LRRTM4: variants seen among roughly 807,000 people sequenced by gnomAD.
The protein encoded by LRRTM4 is leucine rich repeat transmembrane neuronal 4, also known as leucine-rich repeat transmembrane neuronal protein 4.
A neutral mutation model predicts 47.6 loss-of-function variants in LRRTM4; 25 were observed. That is an observed-to-expected ratio of 0.53 (90% confidence interval 0.38 to 0.73). LRRTM4 has a LOEUF of 0.73. Ranked by LOEUF, LRRTM4 falls within the 30% of genes least tolerant of loss-of-function variation. The pLI is 0.00. For missense variants in LRRTM4, 638 were observed against 713.4 expected, an observed-to-expected ratio of 0.89 and a Z score of 1.20; for synonymous variants, 311 against 269.5, an observed-to-expected ratio of 1.15 and a Z score of -1.51.
chr2:76,791,731 A>G (rs1426617870), intron 3 of LRRTM4, among the ~76,000 whole-genome samples: 2 of 152,246 alleles, frequency 1.3e-5, no homozygotes, highest in Non-Finnish European at 2.9e-5. Context: ...CAGAATCGAC[A>G]TGTAGAACTA....
At chr2:77,118,280 A>C (rs961456118) in intron 3 of LRRTM4, among the ~76,000 whole-genome samples, 2 of 151,850 alleles carry the variant, frequency 1.3e-5, no homozygotes, top group African/African-American at 4.8e-5. Flanking sequence ...GGGCTTACAA[A>C]CATTGAGTGC....
chr2:77,481,437 G>T (rs2104018777), intron 3 of LRRTM4, among the ~76,000 whole-genome samples: 1 of 152,266 alleles, frequency 6.6e-6, no homozygotes. Flanking sequence ...ATCCCACACT[G>T]CAGAATGAAC....
chr2:77,266,527 A>G (rs532005908), intron 3 of LRRTM4, among the ~76,000 whole-genome samples: 40 of 152,280 alleles, frequency 2.6e-4, no homozygotes, highest in African/African-American at 8.7e-4. Flanking sequence ...GTTTTGGGGA[A>G]AAAAGAAGAT....
At chr2:77,029,391 C>T (rs1346911813) in intron 3 of LRRTM4, among the ~76,000 whole-genome samples, 1 of 152,000 alleles carries the variant, frequency 6.6e-6, no homozygotes, top group Non-Finnish European at 1.5e-5. Context: ...GCTGAAGGCC[C>T]AAGAGCCCCT....
intron 3 of LRRTM4, among the ~76,000 whole-genome samples, chr2:77,218,167 T>C (rs961190394): frequency 1.3e-5 from 2 of 152,138 alleles, no homozygotes; most frequent in African/African-American, 4.8e-5. Flanking sequence ...ACTAATTTTG[T>C]ATTTTTAGTA....
At chr2:77,119,050 T>G (rs563946876) in intron 3 of LRRTM4, among the ~76,000 whole-genome samples, 75 of 151,968 alleles carry the variant, frequency 4.9e-4, no homozygotes, top group African/African-American at 1.7e-3. Flanking sequence ...TACCATTATT[T>G]TAATTTGTGT....
intron 3 of LRRTM4, among the ~76,000 whole-genome samples, chr2:76,976,828 G>A (rs1395752772): frequency 6.6e-6 from 1 of 151,778 alleles, no homozygotes; most frequent in East Asian, 1.9e-4. Flanking sequence ...AAAAAGCCAG[G>A]AGAGAGGATT....
intron 3 of LRRTM4, among the ~76,000 whole-genome samples, chr2:77,201,439 T>A (rs1673971973): frequency 6.6e-6 from 1 of 152,272 alleles, no homozygotes; most frequent in African/African-American, 2.4e-5. Flanking sequence ...CATATAAAAT[T>A]AATTCATTGA....
chr2:77,002,137 T>C (rs1344245850), intron 3 of LRRTM4, among the ~76,000 whole-genome samples: 1 of 152,182 alleles, frequency 6.6e-6, no homozygotes, highest in African/African-American at 2.4e-5. Flanking sequence ...TCAAATAATA[T>C]TGTGAGTCCC....
At chr2:77,076,465 A>T (rs927480796) in intron 3 of LRRTM4, among the ~76,000 whole-genome samples, 1 of 152,214 alleles carries the variant, frequency 6.6e-6, no homozygotes, top group Non-Finnish European at 1.5e-5. Flanking sequence ...AGAATGAAAC[A>T]AGCAGTGTAT....
At chr2:76,914,365 C>T (rs1674173816) in intron 3 of LRRTM4, among the ~76,000 whole-genome samples, 1 of 151,950 alleles carries the variant, frequency 6.6e-6, no homozygotes, top group Non-Finnish European at 1.5e-5. Flanking sequence ...TTCTGATTTG[C>T]ATTGTCAATA....
At chr2:77,076,893 G>A (rs1020295447) in intron 3 of LRRTM4, among the ~76,000 whole-genome samples, 21 of 152,116 alleles carry the variant, frequency 1.4e-4, no homozygotes, top group Admixed American at 4.6e-4. Context: ...ATTTACATCA[G>A]TCATCCCTTT....
rs1386640871 is a variant in LRRTM4, at chr2:76,801,383, A to G, written c.1552-52467T>C. The stretch of plus-strand genomic sequence containing the variant: ...TTTGTAGGGACATGGATGAAATTGG[A>G]AATCATCATTCTCAGTAAACTATCG... On this transcript the variant is annotated intron_variant, in intron 3 of 3. Transcript: ENST00000409884. Among the ~76,000 whole-genome samples, 3 of 152,232 alleles carry G rather than the reference A, an allele frequency of 2.0e-5. No individual in the cohort carries two copies. The South Asian group carries it at 6.2e-4, about 32-fold the overall frequency.
chr2:77,357,778 T>C (rs1193024400), intron 3 of LRRTM4, among the ~76,000 whole-genome samples: 1 of 152,174 alleles, frequency 6.6e-6, no homozygotes, highest in Non-Finnish European at 1.5e-5. Flanking sequence ...GAGTGTAGCA[T>C]TAGTGTGCAC....
rs148954335 is a variant in LRRTM4, at chr2:77,347,413, G to C, written c.1551+170905C>G. Among the ~76,000 whole-genome samples the C allele has an allele frequency of 8.9e-4, 135 of 152,124 alleles. No homozygotes were observed. In the East Asian group the frequency reaches 0.013, roughly 15 times the overall value. The stretch of plus-strand genomic sequence containing the variant: ...GAAATGTATTACCAGAATATTTGGA[G>C]TACTATTGGACTATTTATTTATATC... On this transcript the variant is annotated intron_variant, in intron 3 of 3. Transcript: ENST00000409884.
At chr2:76,796,497 G>T (rs1328077000) in intron 3 of LRRTM4, among the ~76,000 whole-genome samples, 1 of 131,996 alleles carries the variant, frequency 7.6e-6, no homozygotes, top group East Asian at 2.2e-4. Context: ...CTCCTCAAGT[G>T]GGTCCCTGAC....
At chr2:77,362,465 T>C (rs1672280291) in intron 3 of LRRTM4, among the ~76,000 whole-genome samples, 1 of 152,190 alleles carries the variant, frequency 6.6e-6, no homozygotes, top group African/African-American at 2.4e-5. Flanking sequence ...ACTAGTTGGT[T>C]TGAAAGACAA....
intron 3 of LRRTM4, among the ~76,000 whole-genome samples, chr2:77,243,548 A>G (rs1249584665): frequency 4.0e-5 from 6 of 149,790 alleles, no homozygotes; most frequent in Non-Finnish European, 7.4e-5. Context: ...GAAAGGGAGA[A>G]TGAGGGTTGA....
At chr2:76,880,166 T>C (rs925829829) in intron 3 of LRRTM4, among the ~76,000 whole-genome samples, 1 of 152,204 alleles carries the variant, frequency 6.6e-6, no homozygotes, top group Non-Finnish European at 1.5e-5. Flanking sequence ...TGACCCCAGT[T>C]TTGAAAGAAA....
Sources: allele counts gnomAD v4.1 joint callset (sites outside exome capture counted in the v4.1 genomes callset), GRCh38; gene constraint gnomAD v4.1.1; transcripts MANE v1.5; gene names NCBI Gene and HGNC (gene_info 2026-07-23, HGNC 2026-07-21).